Variants in CFAP221 observed in about 807,000 individuals in gnomAD.
The protein encoded by CFAP221 is cilia- and flagella-associated protein 221.
CFAP221 carries 97 observed loss-of-function variants against 113.1 expected under a neutral mutation model. That is an observed-to-expected ratio of 0.86 (90% confidence interval 0.73 to 1.02). The LOEUF (loss-of-function observed/expected upper bound fraction) is 1.02, where lower values mean the gene tolerates loss of function less well. CFAP221 is among the 50% of genes least tolerant of loss of function. The pLI is 0.00. For synonymous variants in CFAP221, 331 were observed against 354.4 expected, an observed-to-expected ratio of 0.93 and a Z score of 0.74; for missense variants, 1,025 against 1,013.4, an observed-to-expected ratio of 1.01 and a Z score of -0.16.
Position 119,629,891 on chromosome 2 carries a change from G to A in CFAP221, c.1667G>A (p.Gly556Glu), listed in dbSNP as rs1686646754. The A allele has an allele frequency of 6.2e-7, 1 of 1,613,270 alleles. No homozygotes were observed. The highest frequency in any genetic ancestry group is 1.1e-5 in the South Asian group (1 of 91,020). The change falls in exon 17 of 24, where the codon GGA becomes GAA. Residue 556 changes from glycine to glutamate, a missense_variant. Coordinates refer to ENST00000413369, the MANE Select transcript of CFAP221 (RefSeq NM_001271049.2). ...DSNELAPDGL[G>E]LVPIKSSEVQ... The stretch of plus-strand genomic sequence containing the variant: ...ACATTTTAGGCTCCTGATGGCCTTG[G>A]ACTGGTCCCAATTAAGTCTTCAGAA...
intron 14 of CFAP221, among the ~76,000 whole-genome samples, chr2:119,621,031 T>G (rs202216840): frequency 3.1e-4 from 47 of 151,218 alleles, no homozygotes; most frequent in Middle Eastern, 3.4e-3. Flanking sequence ...TCGAGACCAG[T>G]CTGACCAACA....
Position 119,587,188 on chromosome 2 carries a change from G to A in CFAP221, c.597G>A (p.Gln199=). The A allele has an allele frequency of 6.5e-7, 1 of 1,532,758 alleles. No homozygotes were observed. The highest frequency in any genetic ancestry group is 8.7e-7 in the Non-Finnish European group (1 of 1,145,034). The allele number at this position is 1,532,758 out of a possible 1,614,324, so 94.9% of individuals were successfully genotyped here. The part of the protein sequence containing the change: ...VDFEFYITLI[Q]SHQAFAIEPT... ...TTGAGTTTTATATCACCTTGATTCA[G>A]TCTCATCAAGCCTTTGCTATTGAGC... Residue 199 remains glutamine (Q), a synonymous_variant, in exon 7 of 24, where the codon CAG becomes CAA. Transcript: ENST00000413369.
At chr2:119,620,856 T>A (rs1375787772) in intron 14 of CFAP221, among the ~76,000 whole-genome samples, 1 of 151,640 alleles carries the variant, frequency 6.6e-6, no homozygotes, top group African/African-American at 2.4e-5. Flanking sequence ...CCATCTCACA[T>A]GCAGAGACAC....
At chr2:119,560,882 A>G (rs1278797359) in intron 5 of CFAP221, among the ~76,000 whole-genome samples, 2 of 152,238 alleles carry the variant, frequency 1.3e-5, no homozygotes, top group African/African-American at 4.8e-5. Flanking sequence ...ATGCATTTCC[A>G]TAGGGGGAGG....
rs139404353 is a variant in CFAP221, at chr2:119,576,112, C to G, written c.528-11007C>G. Among the ~76,000 whole-genome samples, 784 of 152,226 alleles carry G rather than the reference C, an allele frequency of 5.2e-3. 4 individuals carry two copies. The highest frequency in any genetic ancestry group is 0.018 in the African/African-American group (727 of 41,534). On this transcript the variant is annotated intron_variant, in intron 6 of 23. Coordinates refer to ENST00000413369, the MANE Select transcript of CFAP221 (RefSeq NM_001271049.2). ...CAGGCCAGGAGAGAAACCATCAAGC[C>G]CCCTTGACTCTTCCATTCCACTCAC... is the stretch of plus-strand genomic sequence containing the variant.
chr2:119,611,676 G>T lies in CFAP221; in HGVS notation c.1245G>T (p.Leu415Phe), dbSNP rs931996947. ...KYKLDRGDPI[L>F]DEEFQRLKTE... ...AGCTAGACAGAGGAGATCCTATTTT[G>T]GATGAGGAATTTCAGCGACTTAAAA... Residue 415 changes from leucine (L) to phenylalanine (F), a missense_variant, in exon 13 of 24, where the codon TTG becomes TTT. Coordinates refer to ENST00000413369, the MANE Select transcript of CFAP221 (RefSeq NM_001271049.2). The T allele has an allele frequency of 3.8e-5, 61 of 1,613,538 alleles. No homozygotes were observed. Among genetic ancestry groups the T allele is most frequent in the Non-Finnish European group, 4.8e-5 (57 of 1,179,880 alleles).
At chr2:119,637,912 C>T (rs1357116617) in intron 19 of CFAP221, among the ~76,000 whole-genome samples, 1 of 152,182 alleles carries the variant, frequency 6.6e-6, no homozygotes, top group Non-Finnish European at 1.5e-5. Context: ...CCAGTGTGCT[C>T]ATTTAATAAC....
chr2:119,613,058 G>A (rs1685288699), intron 13 of CFAP221, among the ~76,000 whole-genome samples: 1 of 152,180 alleles, frequency 6.6e-6, no homozygotes, highest in Non-Finnish European at 1.5e-5. Context: ...AATTCAATAG[G>A]GCAGTCATTA....
intron 21 of CFAP221, among the ~76,000 whole-genome samples, chr2:119,645,454 T>C (rs1013269141): frequency 2.0e-5 from 3 of 150,994 alleles, no homozygotes; most frequent in African/African-American, 4.9e-5. Context: ...TTCTGTCTTA[T>C]ACAAAAAGTG....
At chr2:119,598,527 T>G (rs1558947057) in intron 7 of CFAP221, among the ~76,000 whole-genome samples, 1 of 152,234 alleles carries the variant, frequency 6.6e-6, no homozygotes, top group Non-Finnish European at 1.5e-5. Flanking sequence ...ACATTACCCC[T>G]GGTTATGTTA....
At chr2:119,593,575 T>TA (rs1051841407) in intron 7 of CFAP221, among the ~76,000 whole-genome samples, 1 of 152,030 alleles carries the variant, frequency 6.6e-6, no homozygotes, top group African/African-American at 2.4e-5. Context: ...CATGGTGGCT[T>TA]ACGCCTGTAA....
intron 3 of CFAP221, among the ~76,000 whole-genome samples, chr2:119,555,431 A>G (rs1680724411): frequency 6.6e-6 from 1 of 152,222 alleles, no homozygotes; most frequent in African/African-American, 2.4e-5. Flanking sequence ...ATGTTTTCAA[A>G]TAAACTCTTC....
rs1685459577 is a variant in CFAP221 at position 119,615,492 on chromosome 2, G to C, written c.1312-119G>C. 3 of 738,598 alleles carry C rather than the reference G, an allele frequency of 4.1e-6. No individual in the cohort carries two copies. The South Asian group carries it at 5.9e-5, about 15-fold the overall frequency. 45.8% of individuals were successfully genotyped at this position (738,598 alleles called of 1,614,324 possible). A position where few individuals can be genotyped will look rare whatever the true frequency, so the allele number is the denominator to read the frequency against. On this transcript the variant is annotated intron_variant, in intron 13 of 23. Coordinates refer to ENST00000413369, the MANE Select transcript of CFAP221 (RefSeq NM_001271049.2). ...TGCTTAATAAATAAATGCTCACTAA[G>C]CAATACAACAAATAAATAACAACTT...
At position 119,627,699 on chromosome 2, in the gene CFAP221, T is replaced by G; in HGVS notation, c.1563T>G (p.Asp521Glu). 1 of 1,613,878 alleles carries G rather than the reference T, an allele frequency of 6.2e-7. No individual in the cohort carries two copies. Residue 521 changes from aspartate to glutamate, a missense_variant, in exon 16 of 24, where the codon GAT (aspartate) becomes GAG (glutamate). Physicochemically the swap from Asp to Glu is conservative, Grantham distance 45. Coordinates refer to ENST00000413369, the MANE Select transcript of CFAP221 (RefSeq NM_001271049.2). Reference protein sequence around the residue: ...KFFLRRISQDDYTSRFSVSPK... With the variant: ...KFFLRRISQDEYTSRFSVSPK... ...TCCTGAGGCGGATCAGTCAGGATGA[T>G]TATACCAGCCGGTTCTCTGTGTCGC...
At chr2:119,611,026 G>T (rs1309027639) in intron 12 of CFAP221, among the ~76,000 whole-genome samples, 2 of 152,028 alleles carry the variant, frequency 1.3e-5, no homozygotes, top group African/African-American at 4.8e-5. Context: ...GAGCAGTCTG[G>T]GGTCACTCAC....
chr2:119,651,418 A>G (rs1688120470), intron 22 of CFAP221, among the ~76,000 whole-genome samples: 1 of 152,198 alleles, frequency 6.6e-6, no homozygotes, highest in South Asian at 2.1e-4. Flanking sequence ...AACAAAGACC[A>G]TATGACCCAT....
intron 6 of CFAP221, chr2:119,586,845 C>G: frequency 3.4e-6 from 1 of 298,008 alleles, no homozygotes; most frequent in East Asian, 6.2e-5. Context: ...ATGGTTCTGC[C>G]ACTAACTATG....
Position 119,608,495 on chromosome 2 carries a change from TCCCCA to T in CFAP221, c.1134-6_1134-2del. On this transcript the variant is annotated splice_acceptor_variant and splice_polypyrimidine_tract_variant and intron_variant, in intron 11 of 23. Transcript: ENST00000413369. LOFTEE classifies it high-confidence loss of function. ...TTCTGGACACAGTTTTTTTTTTTTC[TCCCCA>T]GGCAGGTGCACCTTGGTAAAGATCC... 2.6e-6 allele frequency: 4 copies of T among 1,553,986 alleles called. No individual in the cohort carries two copies. The highest frequency in any genetic ancestry group is 3.9e-5 in the Admixed American group (2 of 51,720).
chr2:119,604,072 A>G (rs965403797), intron 8 of CFAP221, among the ~76,000 whole-genome samples: 2 of 152,262 alleles, frequency 1.3e-5, no homozygotes, highest in Non-Finnish European at 2.9e-5. Context: ...TAATAAATCT[A>G]GCTATTGAAA....
Sources: gnomAD v4.1 joint callset for allele counts (sites outside exome capture counted in the v4.1 genomes callset) on GRCh38, gnomAD v4.1.1 for gene constraint, MANE v1.5 for transcripts, NCBI Gene and HGNC (gene_info 2026-07-23, HGNC 2026-07-21) for gene names.